BZW2: variants seen among roughly 807,000 people sequenced by gnomAD.
BZW2 encodes the protein basic leucine zipper and W2 domains 2, also known as eIF5-mimic protein 1.
Under a neutral mutation model 53.2 loss-of-function variants are expected in BZW2, and 23 were observed. That is an observed-to-expected ratio of 0.43 (90% CI 0.31 to 0.61). The LOEUF is 0.61. Ranked by LOEUF, BZW2 falls within the 20% of genes least tolerant of loss-of-function variation. The probability of loss-of-function intolerance (pLI) is 0.09; values close to 1 mark genes in which losing one functional copy is unlikely to be tolerated. For missense variants in BZW2, 409 were observed against 503.1 expected, an observed-to-expected ratio of 0.81 and a Z score of 1.79; for synonymous variants, 227 against 186.4, an observed-to-expected ratio of 1.22 and a Z score of -1.77.
intron 1 of BZW2, among the ~76,000 whole-genome samples, chr7:16,655,096 C>G (rs935681293): frequency 2.2e-4 from 34 of 152,222 alleles, no homozygotes; most frequent in Middle Eastern, 3.4e-3. Context: ...AAAGTGGCCA[C>G]CTACTTTTTT....
At chr7:16,699,671 G>A (rs187254225) in intron 10 of BZW2, among the ~76,000 whole-genome samples, 2 of 151,964 alleles carry the variant, frequency 1.3e-5, no homozygotes, top group African/African-American at 2.4e-5. Flanking sequence ...GCACCCTATC[G>A]TATTATTGTA....
intron 1 of BZW2, among the ~76,000 whole-genome samples, chr7:16,662,814 G>A (rs76502433): frequency 0.014 from 2,067 of 152,142 alleles, 24 homozygotes; most frequent in Non-Finnish European, 0.016. Flanking sequence ...AAGAAAGGAC[G>A]GAAAGAAAGA....
chr7:16,681,683 T>G (rs1782950889), intron 4 of BZW2, among the ~76,000 whole-genome samples: 1 of 151,958 alleles, frequency 6.6e-6, no homozygotes, highest in African/African-American at 2.4e-5. Context: ...AATACAAAAA[T>G]TAGCTGGGTG....
chr7:16,682,996 G>A (rs1782999754), intron 5 of BZW2, 151 bp downstream of exon 5: 1 of 375,678 alleles, frequency 2.7e-6, no homozygotes, highest in Non-Finnish European at 4.7e-6. Context: ...AGGAGTTTAA[G>A]ACCAGCCTGG....
intron 1 of BZW2, among the ~76,000 whole-genome samples, chr7:16,660,561 A>G (rs191350204): frequency 1.2e-4 from 19 of 152,140 alleles, no homozygotes; most frequent in African/African-American, 4.3e-4. Flanking sequence ...TTATTTGAAA[A>G]ATATTAATTA....
intron 1 of BZW2, among the ~76,000 whole-genome samples, chr7:16,664,732 A>G (rs530862141): frequency 6.6e-6 from 1 of 152,308 alleles, no homozygotes; most frequent in Non-Finnish European, 1.5e-5. Context: ...TATGTATACA[A>G]CAATGCTGCA....
chr7:16,680,882 G>A (rs1298126443), intron 3 of BZW2, among the ~76,000 whole-genome samples: 1 of 152,078 alleles, frequency 6.6e-6, no homozygotes, highest in African/African-American at 2.4e-5. Context: ...GAGGTGGGCG[G>A]ATCACAAGGT....
intron 6 of BZW2, 25 bp from the exon 7 acceptor site, chr7:16,689,772 G>A (rs1213645866): frequency 6.3e-7 from 1 of 1,575,710 alleles, no homozygotes; most frequent in Non-Finnish European, 8.7e-7. Context: ...TAAAAGGAAT[G>A]AAATTCTCTT....
chr7:16,660,463 G>C (rs1057140707), intron 1 of BZW2, among the ~76,000 whole-genome samples: 1 of 151,184 alleles, frequency 6.6e-6, no homozygotes, highest in Non-Finnish European at 1.5e-5. Flanking sequence ...TGCACACAGA[G>C]TGTTACTTTG....
intron 1 of BZW2, among the ~76,000 whole-genome samples, chr7:16,654,104 A>AAAAAAAT (rs1782058749): frequency 1.3e-5 from 2 of 150,540 alleles, no homozygotes; most frequent in Non-Finnish European, 3.0e-5. Flanking sequence ...AAAAAAAAAA[A>AAAAAAAT]AAAAAAATAC....
At chr7:16,650,973 ATTC>A (rs1271211344) in intron 1 of BZW2, among the ~76,000 whole-genome samples, 6 of 152,236 alleles carry the variant, frequency 3.9e-5, no homozygotes, top group African/African-American at 1.4e-4. Context: ...TGTTCTCATT[ATTC>A]TTTCTTGATT....
chr7:16,683,380 T>A (rs1783013176), intron 5 of BZW2, among the ~76,000 whole-genome samples: 1 of 152,218 alleles, frequency 6.6e-6, no homozygotes, highest in South Asian at 2.1e-4. Flanking sequence ...TCCATTAATA[T>A]TTAATGTAAG....
At chr7:16,669,601 A>G (rs1287586433) in intron 2 of BZW2, among the ~76,000 whole-genome samples, 1 of 149,888 alleles carries the variant, frequency 6.7e-6, no homozygotes, top group African/African-American at 2.4e-5. Flanking sequence ...TTTAAAATTC[A>G]TTGCTACATC....
chr7:16,681,959 T>C (rs1259847358), intron 4 of BZW2, among the ~76,000 whole-genome samples: 1 of 152,208 alleles, frequency 6.6e-6, no homozygotes, highest in African/African-American at 2.4e-5. Flanking sequence ...ATGTAAGTAT[T>C]AGTGTAAGTT....
chr7:16,689,008 C>T (rs953419750), intron 6 of BZW2, among the ~76,000 whole-genome samples: 1 of 152,088 alleles, frequency 6.6e-6, no homozygotes, highest in Admixed American at 6.5e-5. Flanking sequence ...GGTGGATCAC[C>T]TGAGGTCAAG....
At chr7:16,666,662 A>T (rs1433900005) in intron 2 of BZW2, among the ~76,000 whole-genome samples, 1 of 151,988 alleles carries the variant, frequency 6.6e-6, no homozygotes, top group African/African-American at 2.4e-5. Context: ...ATTTATTATT[A>T]ATTAATTAGT....
intron 2 of BZW2, among the ~76,000 whole-genome samples, chr7:16,671,326 A>T (rs1157981470): frequency 1.3e-5 from 2 of 152,174 alleles, no homozygotes; most frequent in Non-Finnish European, 2.9e-5. Flanking sequence ...CTGCATTTTT[A>T]AAAAATAACG....
At chr7:16,682,963 C>T (rs140797257) in intron 5 of BZW2, 118 bp downstream of exon 5, 101 of 485,252 alleles carry the variant, frequency 2.1e-4, no homozygotes, top group African/African-American at 1.8e-3. Context: ...TTTGGGAGGC[C>T]GAGACGGGTG....
At chr7:16,689,949 C>T (rs1250775221) in intron 7 of BZW2, 43 bp downstream of exon 7, 4 of 1,494,776 alleles carry the variant, frequency 2.7e-6, no homozygotes, top group Non-Finnish European at 3.7e-6. Context: ...TGATGCCTTT[C>T]TTGGAGCTTA....
Sources: gnomAD v4.1 joint callset for allele counts (sites outside exome capture counted in the v4.1 genomes callset) on GRCh38, gnomAD v4.1.1 for gene constraint, MANE v1.5 for transcripts, NCBI Gene and HGNC (gene_info 2026-07-23, HGNC 2026-07-21) for gene names.